UBR4: variants seen among roughly 807,000 people sequenced by gnomAD.
UBR4 encodes ubiquitin protein ligase E3 component n-recognin 4, also known as E3 ubiquitin-protein ligase UBR4.
In UBR4, 124 loss-of-function variants were observed where a neutral mutation model predicts 575.6. The ratio of observed to expected loss-of-function variants is 0.22; its 90% CI spans 0.19 to 0.25. The LOEUF (loss-of-function observed/expected upper bound fraction) is 0.25, where lower values mean the gene tolerates loss of function less well. Among genes scored for constraint, UBR4 ranks in the 10% least tolerant of loss-of-function variants. The pLI is 1.00. For synonymous variants in UBR4, 2,455 were observed against 2,473.7 expected (o/e 0.99, Z 0.22); for missense variants, 4,818 against 6,478.8 (o/e 0.74, Z 8.80).
chr1:19,115,846 T>G (rs1369754159), intron 73 of UBR4, among the ~76,000 whole-genome samples: 1 of 152,238 alleles, frequency 6.6e-6, no homozygotes, highest in Admixed American at 6.5e-5. Context: ...AACATACAAG[T>G]GCTTTAAGCT....
chr1:19,127,487 A>G, intron 63 of UBR4, 136 bp downstream of exon 63: 1 of 702,886 alleles, frequency 1.4e-6, no homozygotes, highest in Non-Finnish European at 2.5e-6. Context: ...TGAAAAGGTG[A>G]CAGCTTAGAA....
At chr1:19,148,827 G>C (rs939529208) in intron 49 of UBR4, among the ~76,000 whole-genome samples, 1 of 152,190 alleles carries the variant, frequency 6.6e-6, no homozygotes, top group Non-Finnish European at 1.5e-5. Flanking sequence ...CTCCTGCTCA[G>C]AGATCAACCT....
At chr1:19,207,821 C>T (rs12723737) in intron 1 of UBR4, among the ~76,000 whole-genome samples, 7,487 of 151,812 alleles carry the variant, frequency 0.049, 261 homozygotes, top group Admixed American at 0.093. Flanking sequence ...GTAAATATTA[C>T]ATGAAATTCA....
In UBR4 at chr1:19,148,608, T is replaced by G. The variant is rs1267811385; in HGVS notation, c.7449A>C (p.Leu2483Phe). Residue 2483 changes from leucine to phenylalanine, a missense_variant, in exon 50 of 106, where the codon TTA becomes TTC. This residue lies in a region of UBR4 where 340 missense variants were observed against 375.4 expected (regional missense o/e 0.91). Coordinates refer to ENST00000375254, the MANE Select transcript of UBR4 (RefSeq NM_020765.3). ...CGGCAAAGCAGCTTTCCAGGGCTTC[T>G]AAAGAACTCACAACCAGCCTGGGGA... is the stretch of plus-strand genomic sequence containing the variant. ...TVLERLVVSS[L>F]EALESCFAVG... is the part of the protein sequence containing the mutation. 1.9e-6 allele frequency: 3 copies of G among 1,614,260 alleles called. No homozygotes were observed. Among genetic ancestry groups the G allele is most frequent in the Non-Finnish European group, 2.5e-6 (3 of 1,180,040 alleles).
At chr1:19,138,974 G>A in intron 59 of UBR4, 109 bp downstream of exon 59, 1 of 1,344,522 alleles carries the variant, frequency 7.4e-7, no homozygotes, top group Admixed American at 2.5e-5. Context: ...CTTTCAATGA[G>A]TCTCTATACC....
At position 19,198,023 on chromosome 1, in the gene UBR4, T is replaced by A; in HGVS notation, c.675A>T (p.Ser225=). The A allele has an allele frequency of 6.2e-7, 1 of 1,614,052 alleles. No individual in the cohort carries two copies. Among genetic ancestry groups the A allele is most frequent in the Non-Finnish European group, 8.5e-7 (1 of 1,180,036 alleles). Residue 225 remains serine, a synonymous_variant, in exon 6 of 106, where the codon TCA becomes TCT. Transcript: ENST00000375254. ...TGATAGCTGAGGCTTGATCTGTAGA[T>A]GACTGCTCATCATTTTCTCCTTCCA... is the stretch of plus-strand genomic sequence containing the variant. The part of the protein sequence containing the change: ...TLVEGENDEQ[S]STDQASAIKT...
intron 37 of UBR4, 60 bp from the exon 38 acceptor site, chr1:19,161,207 C>T: frequency 6.7e-7 from 1 of 1,488,348 alleles, no homozygotes; most frequent in African/African-American, 1.4e-5. Context: ...GGAAATACTG[C>T]CTGAGATCTC....
intron 8 of UBR4, among the ~76,000 whole-genome samples, chr1:19,196,891 T>C (rs1002139666): frequency 1.3e-5 from 2 of 152,240 alleles, no homozygotes; most frequent in Non-Finnish European, 2.9e-5. Context: ...GCTTTTCATA[T>C]AGTAAATATT....
intron 33 of UBR4, 67 bp downstream of exon 33, chr1:19,164,186 T>C: frequency 6.5e-7 from 1 of 1,529,088 alleles, no homozygotes; most frequent in Non-Finnish European, 8.8e-7. Flanking sequence ...CACTTTGAGC[T>C]ATAAAGAAAG....
intron 60 of UBR4, among the ~76,000 whole-genome samples, chr1:19,136,049 T>C (rs983511161): frequency 1.3e-5 from 2 of 152,168 alleles, no homozygotes; most frequent in Non-Finnish European, 2.9e-5. Context: ...CATTTTCAAC[T>C]GGGGAGGTCG....
At chr1:19,140,339 T>G (rs553962411) in intron 58 of UBR4, among the ~76,000 whole-genome samples, 18 of 152,374 alleles carry the variant, frequency 1.2e-4, no homozygotes, top group African/African-American at 4.1e-4. Flanking sequence ...ATCCTGATGG[T>G]TGGTCACACT....
At chr1:19,209,420 T>A (rs549148558) in intron 1 of UBR4, among the ~76,000 whole-genome samples, 2 of 152,072 alleles carry the variant, frequency 1.3e-5, no homozygotes, top group African/African-American at 4.8e-5. Context: ...AACCAACAGA[T>A]AGTACCGTTT....
At chr1:19,161,217 C>A in intron 37 of UBR4, 70 bp from the exon 38 acceptor site, 2 of 1,449,662 alleles carry the variant, frequency 1.4e-6, no homozygotes, top group Non-Finnish European at 1.9e-6. Flanking sequence ...CCTGAGATCT[C>A]CGAGGAAAAT....
In UBR4 at chr1:19,110,492, T is replaced by C; in HGVS notation, c.11893-28A>G. 1 of 1,608,948 alleles carries C rather than the reference T, an allele frequency of 6.2e-7. No individual in the cohort carries two copies. Among genetic ancestry groups the C allele is most frequent in the Non-Finnish European group, 8.5e-7 (1 of 1,175,906 alleles). ...AGAAGGCAATGGGAAGAGACATGAG[T>C]CAAGAGGGTCAGCTCCGGTCCAGCG... On this transcript the variant is annotated intron_variant, in intron 79 of 105. Transcript: ENST00000375254. The surrounding 1 kb of genome is among the most constrained non-coding windows in gnomAD (Gnocchi z 4.5).
chr1:19,106,848 A>C lies in UBR4; in HGVS notation c.12224T>G (p.Leu4075Arg). The part of the protein sequence containing the change: ...KASYDAWKKC[L>R]PIRGIDGNGK... ...AGAGAAAGATATACCTCTGATAGGA[A>C]GACACTTCTTCCAGGCATCATAGGA... Residue 4075 changes from leucine (L) to arginine (R), a missense_variant, in exon 82 of 106, where the codon CTT becomes CGT. Coordinates refer to ENST00000375254, the MANE Select transcript of UBR4 (RefSeq NM_020765.3). 6.2e-7 allele frequency: 1 copy of C among 1,614,004 alleles called. No homozygotes were observed. The highest frequency in any genetic ancestry group is 1.1e-5 in the South Asian group (1 of 91,082).
In UBR4 at chr1:19,163,617, A is replaced by G. The variant is rs80234291; in HGVS notation, c.4764+147T>C. On this transcript the variant is annotated intron_variant, in intron 34 of 105. Transcript: ENST00000375254. ...CTAAAGGCACACAGTTAGCAACTAC[A>G]TATTTCCAGTCTTTGAGATTATCAG... is the stretch of plus-strand genomic sequence containing the variant. 487 of 928,292 alleles carry G rather than the reference A, an allele frequency of 5.2e-4. 3 individuals carry two copies. In the East Asian group the frequency reaches 0.011, roughly 21 times the overall value. 57.5% of individuals were successfully genotyped at this position (928,292 alleles called of 1,614,324 possible). A position where few individuals can be genotyped will look rare whatever the true frequency, so the allele number is the denominator to read the frequency against.
rs747838481 is a variant in UBR4, at chr1:19,170,804, C to G, written c.3601G>C (p.Val1201Leu). ...CACCTGCTAGAGCCAATAGCCAAAA[C>G]AGCAGCAAAGCCTTGCAGTTTCTCC... ...SKEKLQGFAA[V>L]LAIGSSRCKA... Residue 1201 changes from valine to leucine, a missense_variant, in exon 26 of 106, where the codon GTT (valine) becomes CTT (leucine). By Grantham distance (32) the Val-to-Leu change is conservative. This residue lies in a region of UBR4 where 1,172 missense variants were observed against 1,259.7 expected (regional missense o/e 0.93). Coordinates refer to ENST00000375254, the MANE Select transcript of UBR4 (RefSeq NM_020765.3). 3 of 1,614,202 alleles carry G rather than the reference C, an allele frequency of 1.9e-6. No individual in the cohort carries two copies. The highest frequency in any genetic ancestry group is 4.5e-5 in the East Asian group (2 of 44,882).
chr1:19,169,034 G>T, intron 27 of UBR4, among the ~76,000 whole-genome samples: 1 of 151,112 alleles, frequency 6.6e-6, no homozygotes, highest in East Asian at 1.9e-4. Context: ...AGCTAAAAGC[G>T]ACCCTGTAAA....
Position 19,092,858 on chromosome 1 carries a change from C to A in UBR4, c.14172G>T (p.Arg4724Ser). 6.2e-7 allele frequency: 1 copy of A among 1,613,374 alleles called. No individual in the cohort carries two copies. The highest frequency in any genetic ancestry group is 8.5e-7 in the Non-Finnish European group (1 of 1,179,828). ...LSRPALPFILRLLRGLAIQHP... is the reference protein window; with the variant it reads ...LSRPALPFILSLLRGLAIQHP... ...GCTGGATGGCCAGGCCCCGAAGCAGCCTTAGGATAAATGGCAAGGCTGGGC... is the reference window on the plus strand; with the variant it reads ...GCTGGATGGCCAGGCCCCGAAGCAGACTTAGGATAAATGGCAAGGCTGGGC... The change falls in exon 97 of 106, where the codon AGG (arginine) becomes AGT (serine). Residue 4724 changes from arginine to serine, a missense_variant. By Grantham distance (110) the Arg-to-Ser change is moderately radical (BLOSUM62 -1). Around this residue, in one of 29 missense-constraint regions of UBR4, gnomAD observed 196 missense variants for 386.8 expected, o/e 0.51. Transcript: ENST00000375254.
Sources: gnomAD v4.1 joint callset for allele counts (sites outside exome capture counted in the v4.1 genomes callset) on GRCh38, gnomAD v4.1.1 for gene constraint, gnomAD v4.1.1 regional missense constraint, Gnocchi (gnomAD v3.1) non-coding constraint, MANE v1.5 for transcripts, NCBI Gene and HGNC (gene_info 2026-07-23, HGNC 2026-07-21) for gene names.